LCE4A: variants seen among roughly 807,000 people sequenced by gnomAD.
The protein encoded by LCE4A is late cornified envelope protein 4A.
For missense variants in LCE4A, 110 were observed against 111.3 expected (o/e 0.99, Z 0.05); for synonymous variants, 41 against 42.3 (o/e 0.97, Z 0.12).
In LCE4A at chr1:152,708,273, T is replaced by C. The variant is rs1649719700; in HGVS notation, c.-143T>C. ...TTGTGCAACAGCCACGTCCTGCTCC[T>C]GCCATTAGCATGGCTCATCCGAGGC... On this transcript the variant is annotated 5_prime_UTR_variant, in exon 1 of 2. Coordinates refer to ENST00000368777, the MANE Select transcript of LCE4A (RefSeq NM_001387222.1). 1 of 152,358 alleles carries C rather than the reference T, an allele frequency of 6.6e-6. No individual in the cohort carries two copies. Among genetic ancestry groups the C allele is most frequent in the Admixed American group, 6.5e-5 (1 of 15,284 alleles). 9.4% of individuals were successfully genotyped at this position (152,358 alleles called of 1,614,324 possible).
Position 152,708,699 on chromosome 1 carries a change from A to G in LCE4A, c.-22+305A>G, listed in dbSNP as rs549866048. Among the ~76,000 whole-genome samples the G allele has an allele frequency of 3.3e-5, 5 of 152,104 alleles. No individual in the cohort carries two copies. In the South Asian group the frequency reaches 1.0e-3, roughly 32 times the overall value. On this transcript the variant is annotated intron_variant, in intron 1 of 1. Transcript: ENST00000368777. ...GCTTTTCTCTAACCGTGCAGATCTC[A>G]AATTTATTATTATTTATTAAACAGA...
rs776407017 is a variant in LCE4A at position 152,709,335 on chromosome 1, C to A, written c.260C>A (p.Ser87Tyr). 5.0e-6 allele frequency: 8 copies of A among 1,605,402 alleles called. No individual in the cohort carries two copies. The South Asian group carries it at 8.9e-5, about 18-fold the overall frequency. ...NCYGSGSGQQ[S>Y]GGSGCCSGGG... Reference sequence around the variant, plus strand: ...TATGGCAGTGGCAGTGGCCAGCAGTCTGGGGGTTCTGGCTGCTGCTCTGGA... The same window carrying A: ...TATGGCAGTGGCAGTGGCCAGCAGTATGGGGGTTCTGGCTGCTGCTCTGGA... Residue 87 changes from serine (S) to tyrosine (Y), a missense_variant, in exon 2 of 2, where the codon TCT becomes TAT. Transcript: ENST00000368777.
rs1047327947 is a variant in LCE4A, at chr1:152,708,325, G to C, written c.-91G>C. ...CAGCCCCAGGATCCATACAAAGTGT[G>C]TTCCTGCTGCTGGCTTCTCATCTGC... On this transcript the variant is annotated 5_prime_UTR_variant, in exon 1 of 2. Transcript: ENST00000368777. The C allele has an allele frequency of 6.6e-6, 1 of 152,384 alleles. No individual in the cohort carries two copies. Among genetic ancestry groups the C allele is most frequent in the Non-Finnish European group, 1.5e-5 (1 of 68,170 alleles). The allele number at this position is 152,384 out of a possible 1,614,324, so 9.4% of individuals were successfully genotyped here. A position where few individuals can be genotyped will look rare whatever the true frequency, so the allele number is the denominator to read the frequency against.
Position 152,709,407 on chromosome 1 carries a change from T to G in LCE4A, c.*32T>G. ...CCAGGAGCAGCACCAAAGGAATTAGTGGGCGAAGGACCCATTGCAGCCTGG... is the reference window on the plus strand; with the variant it reads ...CCAGGAGCAGCACCAAAGGAATTAGGGGGCGAAGGACCCATTGCAGCCTGG... On this transcript the variant is annotated 3_prime_UTR_variant, in exon 2 of 2. Coordinates refer to ENST00000368777, the MANE Select transcript of LCE4A (RefSeq NM_001387222.1). The G allele has an allele frequency of 1.3e-6, 2 of 1,521,110 alleles. No homozygotes were observed. Among genetic ancestry groups the G allele is most frequent in the Non-Finnish European group, 1.8e-6 (2 of 1,133,288 alleles). The allele number at this position is 1,521,110 out of a possible 1,614,324, so 94.2% of individuals were successfully genotyped here.
chr1:152,708,996 A>C, intron 1 of LCE4A, 59 bp from the exon 2 acceptor site: 2 of 1,175,798 alleles, frequency 1.7e-6, no homozygotes, highest in Middle Eastern at 2.0e-4. Context: ...TTAAAATAAA[A>C]AAAAATGTAA....
Position 152,709,305 on chromosome 1 carries a change from A to C in LCE4A, c.230A>C (p.Asn77Thr). The change falls in exon 2 of 2, where the codon AAT (asparagine) becomes ACT (threonine). Residue 77 changes from asparagine to threonine, a missense_variant. Coordinates refer to ENST00000368777, the MANE Select transcript of LCE4A (RefSeq NM_001387222.1). ...RSHCHRPKSS[N>T]CYGSGSGQQS... is the part of the protein sequence containing the mutation. ...CACTGCCACAGACCCAAGAGCTCCA[A>C]TTGCTATGGCAGTGGCAGTGGCCAG... 1 of 1,613,792 alleles carries C rather than the reference A, an allele frequency of 6.2e-7. No individual in the cohort carries two copies. The highest frequency in any genetic ancestry group is 8.5e-7 in the Non-Finnish European group (1 of 1,179,794).
At position 152,709,308 on chromosome 1, in the gene LCE4A, G is replaced by A; in HGVS notation, c.233G>A (p.Cys78Tyr). 6.2e-7 allele frequency: 1 copy of A among 1,613,372 alleles called. No homozygotes were observed. Among genetic ancestry groups the A allele is most frequent in the African/African-American group, 1.3e-5 (1 of 75,042 alleles). ...SHCHRPKSSN[C>Y]YGSGSGQQSG... ...TGCCACAGACCCAAGAGCTCCAATT[G>A]CTATGGCAGTGGCAGTGGCCAGCAG... Residue 78 changes from cysteine to tyrosine, a missense_variant, in exon 2 of 2, where the codon TGC becomes TAC. Coordinates refer to ENST00000368777, the MANE Select transcript of LCE4A (RefSeq NM_001387222.1).
At position 152,709,361 on chromosome 1, in the gene LCE4A, G is replaced by C; in HGVS notation, c.286G>C (p.Gly96Arg). 1 of 1,587,850 alleles carries C rather than the reference G, an allele frequency of 6.3e-7. No homozygotes were observed. The highest frequency in any genetic ancestry group is 1.7e-4 in the Middle Eastern group (1 of 5,924). The change falls in exon 2 of 2, where the codon GGG becomes CGG. Residue 96 changes from glycine (G) to arginine (R), a missense_variant. By Grantham distance (125) the Gly-to-Arg change is moderately radical. Transcript: ENST00000368777. The part of the protein sequence containing the change: ...QSGGSGCCSG[G>R]GCC ...TGGGGGTTCTGGCTGCTGCTCTGGA[G>C]GGGGCTGTTGCTGACCTGGACCAGG...
rs762349780 is a variant in LCE4A, at chr1:152,709,163, G to T, written c.88G>T (p.Ala30Ser). ...TCCCCCAAAATGTCCCTCAAAGTGT[G>T]CATCCTCATGCCCACCTCCAATCTC... is the stretch of plus-strand genomic sequence containing the variant. ...KYPPKCPSKC[A>S]SSCPPPISSC... Residue 30 changes from alanine (A) to serine (S), a missense_variant, in exon 2 of 2, where the codon GCA (alanine) becomes TCA (serine). Transcript: ENST00000368777. 5.0e-6 allele frequency: 8 copies of T among 1,613,434 alleles called. No individual in the cohort carries two copies. The South Asian group carries it at 8.8e-5, about 18-fold the overall frequency.
intron 1 of LCE4A, 82 bp from the exon 2 acceptor site, chr1:152,708,973 T>G: frequency 1.2e-6 from 1 of 860,562 alleles, no homozygotes; most frequent in East Asian, 2.5e-5. Context: ...CTTCATCACC[T>G]TGGGGGAGGA....
intron 1 of LCE4A, 124 bp from the exon 2 acceptor site, chr1:152,708,931 T>G: frequency 1.6e-6 from 1 of 627,898 alleles, no homozygotes; most frequent in South Asian, 2.2e-5. Flanking sequence ...CTGAAAGAGG[T>G]TTCTATACAT....
chr1:152,708,283 A>G lies in LCE4A; in HGVS notation c.-133A>G, dbSNP rs927546904. On this transcript the variant is annotated 5_prime_UTR_variant, in exon 1 of 2. An upstream start codon of the reference 5' UTR is lost. Transcript: ENST00000368777. ...GCCACGTCCTGCTCCTGCCATTAGC[A>G]TGGCTCATCCGAGGCCCAGCCCCAG... is the stretch of plus-strand genomic sequence containing the variant. 4.4e-4 allele frequency: 67 copies of G among 152,434 alleles called. No individual in the cohort carries two copies. The highest frequency in any genetic ancestry group is 1.4e-3 in the African/African-American group (59 of 41,588). The allele number at this position is 152,434 out of a possible 1,614,324, so 9.4% of individuals were successfully genotyped here. A position where few individuals can be genotyped will look rare whatever the true frequency, so the allele number is the denominator to read the frequency against.
rs200796580 is a variant in LCE4A at position 152,709,179 on chromosome 1, C to T, written c.104C>T (p.Pro35Leu). Residue 35 changes from proline (P) to leucine (L), a missense_variant, in exon 2 of 2, where the codon CCT becomes CTT. Physicochemically the swap from Pro to Leu is moderately conservative, Grantham distance 98. Transcript: ENST00000368777. ...TCAAAGTGTGCATCCTCATGCCCAC[C>T]TCCAATCTCTTCCTGCTGTGGCTCC... The part of the protein sequence containing the change: ...CPSKCASSCP[P>L]PISSCCGSSS... 903 of 1,002,814 alleles carry T rather than the reference C, an allele frequency of 9.0e-4. 10 individuals are homozygous for T. The highest frequency in any genetic ancestry group is 1.4e-4 in the Non-Finnish European group (93 of 683,414). The allele number at this position is 1,002,814 out of a possible 1,614,324, so 62.1% of individuals were successfully genotyped here. A position where few individuals can be genotyped will look rare whatever the true frequency, so the allele number is the denominator to read the frequency against.
rs1220176225 is a variant in LCE4A, at chr1:152,709,352, T to A, written c.277T>A (p.Cys93Ser). The A allele has an allele frequency of 6.3e-6, 10 of 1,598,168 alleles. No individual in the cohort carries two copies. Among genetic ancestry groups the A allele is most frequent in the Non-Finnish European group, 8.5e-6 (10 of 1,170,652 alleles). ...CCAGCAGTCTGGGGGTTCTGGCTGC[T>A]GCTCTGGAGGGGGCTGTTGCTGACC... ...SGQQSGGSGC[C>S]SGGGCC The change falls in exon 2 of 2, where the codon TGC (cysteine) becomes AGC (serine). Residue 93 changes from cysteine to serine, a missense_variant. Coordinates refer to ENST00000368777, the MANE Select transcript of LCE4A (RefSeq NM_001387222.1).
At chr1:152,708,621 A>G (rs775484849) in intron 1 of LCE4A, among the ~76,000 whole-genome samples, 2 of 152,192 alleles carry the variant, frequency 1.3e-5, no homozygotes, top group Non-Finnish European at 2.9e-5. Flanking sequence ...TGGGATTGCT[A>G]CATCCCTACC....
Position 152,709,182 on chromosome 1 carries a change from C to T in LCE4A, c.107C>T (p.Pro36Leu). 1.1e-6 allele frequency: 1 copy of T among 870,858 alleles called. No individual in the cohort carries two copies. 53.9% of individuals were successfully genotyped at this position (870,858 alleles called of 1,614,324 possible). The change falls in exon 2 of 2, where the codon CCA becomes CTA. Residue 36 changes from proline (P) to leucine (L), a missense_variant. Pro to Leu is a moderately conservative substitution (Grantham distance 98). Transcript: ENST00000368777. ...AAGTGTGCATCCTCATGCCCACCTC[C>T]AATCTCTTCCTGCTGTGGCTCCAGC... ...PSKCASSCPP[P>L]ISSCCGSSSG...
intron 1 of LCE4A, 37 bp from the exon 2 acceptor site, chr1:152,709,018 A>G: frequency 7.5e-7 from 1 of 1,329,650 alleles, no homozygotes; most frequent in Non-Finnish European, 1.1e-6. Flanking sequence ...GGCTCTTGAT[A>G]TTAAGTTTCT....
At position 152,709,298 on chromosome 1, in the gene LCE4A, A is replaced by G. The variant is rs756199779; in HGVS notation, c.223A>G (p.Ser75Gly). 3.7e-6 allele frequency: 6 copies of G among 1,613,704 alleles called. No individual in the cohort carries two copies. The highest frequency in any genetic ancestry group is 1.3e-5 in the African/African-American group (1 of 74,872). ...HHRSHCHRPK[S>G]SNCYGSGSGQ... The stretch of plus-strand genomic sequence containing the variant: ...TAGGTCCCACTGCCACAGACCCAAG[A>G]GCTCCAATTGCTATGGCAGTGGCAG... The change falls in exon 2 of 2, where the codon AGC (serine) becomes GGC (glycine). Residue 75 changes from serine to glycine, a missense_variant. Transcript: ENST00000368777.
intron 1 of LCE4A, 152 bp from the exon 2 acceptor site, chr1:152,708,903 T>C: frequency 1.7e-6 from 1 of 574,188 alleles, no homozygotes. Flanking sequence ...ACAAAAGTAA[T>C]GAAGATATAC....
Sources: allele counts gnomAD v4.1 joint callset (sites outside exome capture counted in the v4.1 genomes callset), GRCh38; gene constraint gnomAD v4.1.1; transcripts MANE v1.5; gene names NCBI Gene and HGNC (gene_info 2026-07-23, HGNC 2026-07-21).